Variants in TMBIM1 observed in about 807,000 individuals in gnomAD.
TMBIM1 encodes protein lifeguard 3.
TMBIM1 carries 34 observed loss-of-function variants against 45.1 expected under a neutral mutation model. The observed-to-expected ratio is 0.75, with a 90% confidence interval of 0.57 to 1.00. The LOEUF is 1.00. Among genes scored for constraint, TMBIM1 ranks in the 50% least tolerant of loss-of-function variants. TMBIM1 has a pLI of 0.00. For missense variants in TMBIM1, 374 were observed against 402.4 expected (o/e 0.93, Z 0.60); for synonymous variants, 157 against 153.5 (o/e 1.02, Z -0.17).
chr2:218,279,174 T>A lies in TMBIM1; in HGVS notation c.369-83A>T. ...CCAGCCAGGCAGCCCTGGCTTCACCTTCTCTAATTGCCCATGGTCACCCTG... is the reference window on the plus strand; with the variant it reads ...CCAGCCAGGCAGCCCTGGCTTCACCATCTCTAATTGCCCATGGTCACCCTG... On this transcript the variant is annotated intron_variant, in intron 4 of 11. Transcript: ENST00000258412. 5.7e-6 allele frequency: 9 copies of A among 1,592,012 alleles called. No homozygotes were observed. In the South Asian group the frequency reaches 1.0e-4, roughly 18 times the overall value.
intron 5 of TMBIM1, 35 bp from the exon 6 acceptor site, chr2:218,278,600 CA>C: frequency 6.2e-7 from 1 of 1,613,046 alleles, no homozygotes. Flanking sequence ...AGTTCAGGCC[CA>C]AATCTGCCCC....
intron 2 of TMBIM1, among the ~76,000 whole-genome samples, chr2:218,281,700 G>A (rs7571476): frequency 0.018 from 2,698 of 152,258 alleles, 32 homozygotes; most frequent in Non-Finnish European, 0.03. Context: ...TGGTGTGTAC[G>A]TTCTGGGACA....
intron 1 of TMBIM1, among the ~76,000 whole-genome samples, chr2:218,290,644 C>T (rs932909548): frequency 2.0e-5 from 3 of 152,266 alleles, no homozygotes; most frequent in African/African-American, 7.2e-5. Flanking sequence ...CCTAACCTCA[C>T]CTCTGTGCAA....
At chr2:218,284,393 C>G (rs1692329614) in intron 1 of TMBIM1, 1 of 152,286 alleles carries the variant, frequency 6.6e-6, no homozygotes, top group African/African-American at 2.4e-5. Flanking sequence ...CCCCTGCTCC[C>G]TCCTCTGAGC....
chr2:218,291,295 CA>C (rs1692910648), intron 1 of TMBIM1, among the ~76,000 whole-genome samples: 1 of 152,212 alleles, frequency 6.6e-6, no homozygotes, highest in Non-Finnish European at 1.5e-5. Flanking sequence ...TCTGGATCCT[CA>C]TGACTGGAGA....
Position 218,277,045 on chromosome 2 carries a change from C to A in TMBIM1, c.694G>T (p.Val232Leu), listed in dbSNP as rs774267497. 1.2e-6 allele frequency: 2 copies of A among 1,614,172 alleles called. No individual in the cohort carries two copies. Among genetic ancestry groups the A allele is most frequent in the Non-Finnish European group, 1.7e-6 (2 of 1,180,014 alleles). ...ACAATGCTAGTGACAATCCCAGTCA[C>A]CAGGAGCACAATTCCCAGGACACAG... ...LFCVLGIVLL[V>L]TGIVTSIVLY... Residue 232 changes from valine (V) to leucine (L), a missense_variant, in exon 10 of 12, where the codon GTG becomes TTG. Physicochemically the swap from Val to Leu is conservative, Grantham distance 32. Transcript: ENST00000258412.
rs1485560993 is a variant in TMBIM1 at position 218,274,253 on chromosome 2, A to G, written c.*1222T>C. The stretch of plus-strand genomic sequence containing the variant: ...TTATAGTTGTATCCCTTTGTGTGAT[A>G]TAGTTAGGATTTCTCTATTAAGTAA... On this transcript the variant is annotated 3_prime_UTR_variant, in exon 12 of 12. Transcript: ENST00000258412. 6.5e-6 allele frequency: 1 copy of G among 154,986 alleles called. No homozygotes were observed. Among genetic ancestry groups the G allele is most frequent in the African/African-American group, 2.4e-5 (1 of 41,534 alleles). The allele number at this position is 154,986 out of a possible 1,614,324, so 9.6% of individuals were successfully genotyped here. A position where few individuals can be genotyped will look rare whatever the true frequency, so the allele number is the denominator to read the frequency against.
intron 8 of TMBIM1, 28 bp from the exon 9 acceptor site, chr2:218,277,481 G>C (rs779359784): frequency 6.2e-7 from 1 of 1,612,712 alleles, no homozygotes; most frequent in South Asian, 1.1e-5. Flanking sequence ...TTACAGACAA[G>C]AGGCATTAAG....
intron 1 of TMBIM1, among the ~76,000 whole-genome samples, chr2:218,289,474 T>TAAAATA: frequency 6.6e-6 from 1 of 151,726 alleles, no homozygotes; most frequent in Non-Finnish European, 1.5e-5. Flanking sequence ...AAACCTCGTC[T>TAAAATA]CTACTAAAAA....
chr2:218,290,042 G>GT (rs1312287599), intron 1 of TMBIM1: 1 of 152,102 alleles, frequency 6.6e-6, no homozygotes, highest in Non-Finnish European at 1.5e-5. Flanking sequence ...ATCAGCCCAC[G>GT]TGGGGGAAAG....
rs1270132356 is a variant in TMBIM1, at chr2:218,281,416, C to T, written c.202+524G>A. Among the ~76,000 whole-genome samples, 3 of 152,208 alleles carry T rather than the reference C, an allele frequency of 2.0e-5. No homozygotes were observed. In the East Asian group the frequency reaches 5.8e-4, roughly 29 times the overall value. ...CCTCCCAGAGTGCTGGGATTACAGG[C>T]GTGAGCCACCGCGGCCGGCCTCACC... On this transcript the variant is annotated intron_variant, in intron 2 of 11. Coordinates refer to ENST00000258412, the MANE Select transcript of TMBIM1 (RefSeq NM_022152.6).
intron 1 of TMBIM1, among the ~76,000 whole-genome samples, chr2:218,287,668 C>T (rs1692630130): frequency 6.6e-6 from 1 of 152,154 alleles, no homozygotes; most frequent in African/African-American, 2.4e-5. Context: ...CAAGAACATG[C>T]CATTGCACTC....
intron 1 of TMBIM1, among the ~76,000 whole-genome samples, chr2:218,292,047 C>G (rs2106243886): frequency 6.6e-6 from 1 of 152,232 alleles, no homozygotes; most frequent in South Asian, 2.1e-4. Flanking sequence ...TCTCCCCTCC[C>G]TCTTCCCTCT....
chr2:218,275,834 A>G (rs1389452120), intron 11 of TMBIM1, among the ~76,000 whole-genome samples, 192 bp downstream of exon 11: 1 of 152,242 alleles, frequency 6.6e-6, no homozygotes, highest in Non-Finnish European at 1.5e-5. Context: ...TAGTGTTCTA[A>G]TAGCAGGCAG....
chr2:218,279,114 A>T, intron 4 of TMBIM1, 23 bp from the exon 5 acceptor site: 1 of 1,613,900 alleles, frequency 6.2e-7, no homozygotes, highest in Non-Finnish European at 8.5e-7. Context: ...GGAGGACAGG[A>T]GTAGTCACCC....
rs1245742872 is a variant in TMBIM1 at position 218,277,402 on chromosome 2, T to C, written c.603A>G (p.Val201=). ...AGCAGAAGATGGTGACTGAAATGGA[T>C]ACCACCGCAGTGATGATCATTGCAA... is the stretch of plus-strand genomic sequence containing the variant. The part of the protein sequence containing the change: ...VIIAMIITAV[V]SISVTIFCFQ... The change falls in exon 9 of 12, where the codon GTA becomes GTG. Residue 201 remains valine, a synonymous_variant. Transcript: ENST00000258412. 3 of 1,614,128 alleles carry C rather than the reference T, an allele frequency of 1.9e-6. No individual in the cohort carries two copies. The highest frequency in any genetic ancestry group is 2.5e-6 in the Non-Finnish European group (3 of 1,180,028).
chr2:218,287,683 C>G (rs1007933890), intron 1 of TMBIM1, among the ~76,000 whole-genome samples: 1 of 152,132 alleles, frequency 6.6e-6, no homozygotes, highest in Non-Finnish European at 1.5e-5. Flanking sequence ...GCACTCCAGC[C>G]TGGGCAACAA....
intron 3 of TMBIM1, 151 bp from the exon 4 acceptor site, chr2:218,279,504 G>A: frequency 1.6e-6 from 1 of 612,594 alleles, no homozygotes; most frequent in South Asian, 2.3e-5. Context: ...CTGGCTCAGA[G>A]GCAATGTGCA....
chr2:218,278,143 C>T (rs1691437386), intron 6 of TMBIM1, 169 bp from the exon 7 acceptor site: 1 of 681,924 alleles, frequency 1.5e-6, no homozygotes, highest in Non-Finnish European at 2.5e-6. Context: ...TACGCAGGGA[C>T]AACATGGGCC....
Sources: allele counts gnomAD v4.1 joint callset (sites outside exome capture counted in the v4.1 genomes callset), GRCh38; gene constraint gnomAD v4.1.1; transcripts MANE v1.5; gene names NCBI Gene and HGNC (gene_info 2026-07-23, HGNC 2026-07-21).